The following TBC1D9 variants were observed in gnomAD, a reference collection of about 807,000 sequenced individuals.
TBC1D9 encodes the protein TBC1 domain family member 9, also known as TBC1 domain family member 9A.
A neutral mutation model predicts 132.0 loss-of-function variants in TBC1D9; 63 were observed. That is an observed-to-expected ratio of 0.48 (90% CI 0.39 to 0.59). TBC1D9 has a LOEUF of 0.59. Ranked by LOEUF, TBC1D9 falls within the 20% of genes least tolerant of loss-of-function variation. TBC1D9 has a pLI of 0.00. For missense variants in TBC1D9, 1,261 were observed against 1,592.7 expected, an observed-to-expected ratio of 0.79 and a Z score of 3.54; for synonymous variants, 610 against 609.9, an observed-to-expected ratio of 1.00 and a Z score of 0.00.
At position 140,706,521 on chromosome 4, in the gene TBC1D9, T is replaced by C. The variant is rs1235792060; in HGVS notation, c.131-4907A>G. The stretch of plus-strand genomic sequence containing the variant: ...AAAATACATGTACCACTACTCTGAC[T>C]TTTTTAACACTTTGCCTTACCTGCT... On this transcript the variant is annotated intron_variant, in intron 1 of 20. Coordinates refer to ENST00000442267, the MANE Select transcript of TBC1D9 (RefSeq NM_015130.3). This position sits in a 1 kb window ranked among gnomAD's most constrained non-coding sequence, Gnocchi z 4.0. Among the ~76,000 whole-genome samples, 1 of 152,102 alleles carries C rather than the reference T, an allele frequency of 6.6e-6. No homozygotes were observed. Among genetic ancestry groups the C allele is most frequent in the Non-Finnish European group, 1.5e-5 (1 of 68,014 alleles).
chr4:140,680,501 C>T (rs2111019268), intron 3 of TBC1D9, among the ~76,000 whole-genome samples: 1 of 152,192 alleles, frequency 6.6e-6, no homozygotes, highest in East Asian at 1.9e-4. Context: ...TCACTGTTAC[C>T]CAGTTCCTCT....
chr4:140,647,293 C>G (rs1396313268), intron 13 of TBC1D9, among the ~76,000 whole-genome samples: 2 of 152,188 alleles, frequency 1.3e-5, no homozygotes, highest in Admixed American at 6.5e-5. Context: ...TTAAGTCCCC[C>G]AGAGTTCCAC....
chr4:140,622,688 T>G lies in TBC1D9; in HGVS notation c.3308A>C (p.Gln1103Pro). The change falls in exon 21 of 21, where the codon CAG becomes CCG. Residue 1103 changes from glutamine to proline, a missense_variant. Physicochemically the swap from Gln to Pro is moderately conservative, Grantham distance 76. Transcript: ENST00000442267. ...CTCAACAGACTCCACCACGTAAGGCTGGCCTGGCCCTTTCTTGGGGAAGAG... is the reference window on the plus strand; with the variant it reads ...CTCAACAGACTCCACCACGTAAGGCGGGCCTGGCCCTTTCTTGGGGAAGAG... ...GVLFPKKGPG[Q>P]PYVVESVEPL... 1 of 1,611,758 alleles carries G rather than the reference T, an allele frequency of 6.2e-7. No homozygotes were observed. Among genetic ancestry groups the G allele is most frequent in the Non-Finnish European group, 8.5e-7 (1 of 1,179,144 alleles).
intron 1 of TBC1D9, among the ~76,000 whole-genome samples, chr4:140,720,314 T>C (rs930104455): frequency 3.3e-5 from 5 of 152,160 alleles, no homozygotes; most frequent in African/African-American, 9.7e-5. Context: ...GTCACATGTG[T>C]TGTTGTATAA....
At chr4:140,679,521 A>G in intron 4 of TBC1D9, 94 bp downstream of exon 4, 1 of 893,012 alleles carries the variant, frequency 1.1e-6, no homozygotes, top group Non-Finnish European at 1.7e-6. Context: ...TTATAACTAT[A>G]GATTTATTTC....
intron 2 of TBC1D9, among the ~76,000 whole-genome samples, chr4:140,694,223 C>T (rs1407931162): frequency 6.6e-6 from 1 of 151,980 alleles, no homozygotes; most frequent in African/African-American, 2.4e-5. Flanking sequence ...CCTAGATTTC[C>T]AATAACATAC....
At chr4:140,637,147 C>T (rs1363019480) in intron 15 of TBC1D9, among the ~76,000 whole-genome samples, 12 of 152,024 alleles carry the variant, frequency 7.9e-5, no homozygotes, top group East Asian at 7.7e-4. Flanking sequence ...GTCAGGAGTT[C>T]GAGACCAGCA....
chr4:140,641,763 C>G (rs1343022617), intron 13 of TBC1D9: 1 of 223,832 alleles, frequency 4.5e-6, no homozygotes, highest in East Asian at 1.2e-4. Context: ...CAAATCAAAG[C>G]AAAAATAAAA....
At chr4:140,739,736 T>C in intron 1 of TBC1D9, among the ~76,000 whole-genome samples, 1 of 152,238 alleles carries the variant, frequency 6.6e-6, no homozygotes. Context: ...GGCACAGCGG[T>C]ACATGCCTAT....
chr4:140,720,910 C>A (rs557387398), intron 1 of TBC1D9, among the ~76,000 whole-genome samples: 2 of 152,190 alleles, frequency 1.3e-5, no homozygotes, highest in Non-Finnish European at 2.9e-5. Flanking sequence ...TTTGTGTGTG[C>A]GCCCAGACAG....
At chr4:140,688,623 G>A (rs1277962114) in intron 2 of TBC1D9, among the ~76,000 whole-genome samples, 1 of 151,960 alleles carries the variant, frequency 6.6e-6, no homozygotes. Context: ...GAGCCATGAT[G>A]GTGCCACTGC....
chr4:140,715,423 G>A (rs755720712), intron 1 of TBC1D9, among the ~76,000 whole-genome samples: 22 of 152,040 alleles, frequency 1.4e-4, no homozygotes, highest in Admixed American at 7.2e-4. Context: ...CATACATCCT[G>A]GTAACAAAGC....
intron 13 of TBC1D9, chr4:140,644,405 G>T: frequency 3.5e-6 from 1 of 286,312 alleles, no homozygotes. Flanking sequence ...GCGGCTGGAT[G>T]ACCTTGGCCT....
intron 1 of TBC1D9, among the ~76,000 whole-genome samples, chr4:140,721,836 G>A (rs145188773): frequency 1.7e-4 from 26 of 152,200 alleles, no homozygotes; most frequent in South Asian, 4.2e-4. Context: ...CTGAATGCCC[G>A]TCTTGATAAC....
At chr4:140,641,233 T>C (rs1338565686) in intron 13 of TBC1D9, among the ~76,000 whole-genome samples, 1 of 152,122 alleles carries the variant, frequency 6.6e-6, no homozygotes, top group Non-Finnish European at 1.5e-5. Flanking sequence ...TGGACAGTGA[T>C]ATGAAAGGGG....
intron 1 of TBC1D9, among the ~76,000 whole-genome samples, chr4:140,731,607 T>C (rs1023645997): frequency 6.6e-6 from 1 of 151,960 alleles, no homozygotes; most frequent in Admixed American, 6.6e-5. Context: ...CTGTTGCGTG[T>C]CTTATAGAAT....
chr4:140,665,811 G>T (rs1298961290), intron 9 of TBC1D9, among the ~76,000 whole-genome samples: 1 of 151,912 alleles, frequency 6.6e-6, no homozygotes. Flanking sequence ...TGAGTAGCTG[G>T]GACTACATGT....
intron 15 of TBC1D9, among the ~76,000 whole-genome samples, chr4:140,634,979 C>T (rs1473224638): frequency 6.6e-6 from 1 of 152,142 alleles, no homozygotes. Context: ...AATATCCACT[C>T]CTTTTAGGAA....
intron 13 of TBC1D9, among the ~76,000 whole-genome samples, chr4:140,640,452 G>GGGGGGGA (rs1736968202): frequency 6.8e-6 from 1 of 146,652 alleles, no homozygotes; most frequent in Non-Finnish European, 1.5e-5. Flanking sequence ...TGGGGTGGGG[G>GGGGGGGA]GGGGAGTAGG....
Sources: gnomAD v4.1 joint callset for allele counts (sites outside exome capture counted in the v4.1 genomes callset) on GRCh38, gnomAD v4.1.1 for gene constraint, Gnocchi (gnomAD v3.1) non-coding constraint, MANE v1.5 for transcripts, NCBI Gene and HGNC (gene_info 2026-07-23, HGNC 2026-07-21) for gene names.